CHD4: variants seen among roughly 807,000 people sequenced by gnomAD.
The protein encoded by CHD4 is ATP-dependent chromatin remodeler CHD4.
Under a neutral mutation model 235.5 loss-of-function variants are expected in CHD4, and 35 were observed. The observed-to-expected ratio is 0.15, with a 90% CI of 0.11 to 0.20. The LOEUF (loss-of-function observed/expected upper bound fraction) is 0.20, where lower values mean the gene tolerates loss of function less well. Ranked by LOEUF, CHD4 falls within the 10% of genes least tolerant of loss-of-function variation. The probability of loss-of-function intolerance (pLI) is 1.00; values close to 1 mark genes in which losing one functional copy is unlikely to be tolerated. For synonymous variants in CHD4, 900 were observed against 850.2 expected, an observed-to-expected ratio of 1.06 and a Z score of -1.02; for missense variants, 1,329 against 2,432.3, an observed-to-expected ratio of 0.55 and a Z score of 9.54.
intron 5 of CHD4, 37 bp from the exon 6 acceptor site, chr12:6,601,567 TAAGAATAAAAA>T: frequency 6.2e-7 from 1 of 1,613,044 alleles, no homozygotes; most frequent in Non-Finnish European, 8.5e-7. Context: ...GGGAAAGGTT[TAAGAATAAAAA>T]AAGAAAGAGA....
In CHD4 at chr12:6,598,109, G is replaced by GA; in HGVS notation, c.1687-11dup. The GA allele has an allele frequency of 6.2e-7, 1 of 1,613,998 alleles. No homozygotes were observed. Among genetic ancestry groups the GA allele is most frequent in the East Asian group, 2.2e-5 (1 of 44,876 alleles). ...GACAGTGCAGCTCCAGCTTTGAGCG[G>GA]AAAGAGAAAATCAGCCACCAAGAAG... On this transcript the variant is annotated splice_polypyrimidine_tract_variant and intron_variant, in intron 11 of 39. Transcript: ENST00000544040.
In CHD4 at chr12:6,600,104, A is replaced by T; in HGVS notation, c.1243-92T>A. 9 of 1,578,568 alleles carry T rather than the reference A, an allele frequency of 5.7e-6. No homozygotes were observed. The South Asian group carries it at 1.1e-4, about 19-fold the overall frequency. ...CCATCATTCCTTTGAATGCTTCCCA[A>T]AGCTCACAACCCGCAGCACCAGCAT... On this transcript the variant is annotated intron_variant, in intron 9 of 39. Coordinates refer to ENST00000544040, the MANE Select transcript of CHD4 (RefSeq NM_001273.5).
intron 14 of CHD4, 72 bp downstream of exon 14, chr12:6,595,262 T>C: frequency 1.6e-6 from 2 of 1,261,386 alleles, no homozygotes; most frequent in Non-Finnish European, 2.3e-6. Flanking sequence ...TACTTAAGAG[T>C]ACCATCATTA....
At chr12:6,588,009 G>T (rs1948328362) in intron 23 of CHD4, 60 bp from the exon 24 acceptor site, 4 of 1,500,040 alleles carry the variant, frequency 2.7e-6, no homozygotes, top group Non-Finnish European at 3.7e-6. Flanking sequence ...CTCTTATCCT[G>T]ACTTCCACAT....
At chr12:6,590,492 AAAATT>A (rs1948375742) in intron 22 of CHD4, among the ~76,000 whole-genome samples, 1 of 152,212 alleles carries the variant, frequency 6.6e-6, no homozygotes, top group South Asian at 2.1e-4. Context: ...TTCTAAGTCT[AAAATT>A]AAAATAAAAA....
chr12:6,601,157 C>T, intron 6 of CHD4, 104 bp from the exon 7 acceptor site: 2 of 1,524,126 alleles, frequency 1.3e-6, no homozygotes, highest in Non-Finnish European at 1.8e-6. Context: ...TCCCAAATTT[C>T]CCTCCAAAAT....
At chr12:6,590,509 T>G (rs1948376069) in intron 22 of CHD4, among the ~76,000 whole-genome samples, 1 of 146,040 alleles carries the variant, frequency 6.8e-6, no homozygotes, top group South Asian at 2.1e-4. Flanking sequence ...AAATAAAAAG[T>G]TTTTTTTTTT....
chr12:6,584,767 A>T (rs889657876), intron 25 of CHD4: 3 of 152,260 alleles, frequency 2.0e-5, no homozygotes, highest in Non-Finnish European at 4.4e-5. Context: ...CAGCAGCTAT[A>T]GTCACTAATC....
chr12:6,577,775 A>G lies in CHD4; in HGVS notation c.5361+10T>C, dbSNP rs1336262395. On this transcript the variant is annotated intron_variant, in intron 37 of 39. Coordinates refer to ENST00000544040, the MANE Select transcript of CHD4 (RefSeq NM_001273.5). ...TCACTTAAGCAATATATTCCTCCCCAACCGCTCACCTTAAACCTTCGAGCT... is the reference window on the plus strand; with the variant it reads ...TCACTTAAGCAATATATTCCTCCCCGACCGCTCACCTTAAACCTTCGAGCT... 3.1e-6 allele frequency: 5 copies of G among 1,613,962 alleles called. No individual in the cohort carries two copies. The highest frequency in any genetic ancestry group is 4.2e-6 in the Non-Finnish European group (5 of 1,180,002).
In CHD4 at chr12:6,581,391, G is replaced by A. The variant is rs370021329; in HGVS notation, c.4682-3C>T. 2 of 1,612,130 alleles carry A rather than the reference G, an allele frequency of 1.2e-6. No individual in the cohort carries two copies. Among genetic ancestry groups the A allele is most frequent in the Non-Finnish European group, 1.7e-6 (2 of 1,178,538 alleles). On this transcript the variant is annotated splice_region_variant and splice_polypyrimidine_tract_variant and intron_variant, in intron 31 of 39. Coordinates refer to ENST00000544040, the MANE Select transcript of CHD4 (RefSeq NM_001273.5). The stretch of plus-strand genomic sequence containing the variant: ...TTCCTCTATTTTTATCCCATCTTCT[G>A]CAGAACAATAAAAGACAATCAATTA...
chr12:6,596,404 C>A (rs1283807362), intron 12 of CHD4, among the ~76,000 whole-genome samples: 1 of 151,064 alleles, frequency 6.6e-6, no homozygotes, highest in Non-Finnish European at 1.5e-5. Context: ...AATCCCAGCA[C>A]TTTGGGAAGC....
chr12:6,584,546 C>T (rs1415428047), intron 25 of CHD4: 3 of 152,084 alleles, frequency 2.0e-5, no homozygotes, highest in Non-Finnish European at 2.9e-5. Flanking sequence ...CAACCACACT[C>T]GGCTAATGTT....
At chr12:6,590,254 G>A (rs977161660) in intron 22 of CHD4, 1 of 152,164 alleles carries the variant, frequency 6.6e-6, no homozygotes, top group African/African-American at 2.4e-5. Context: ...ACAGATAGCA[G>A]GAAGCACAAT....
At chr12:6,606,226 A>G (rs1277421952) in intron 2 of CHD4, 48 bp downstream of exon 2, 3 of 1,267,792 alleles carry the variant, frequency 2.4e-6, no homozygotes, top group Non-Finnish European at 3.4e-6. Context: ...CACTCGGGAG[A>G]GCCCCAGATG....
In CHD4 at chr12:6,570,709, C is replaced by A; in HGVS notation, c.5722-16G>T. 1 of 1,614,006 alleles carries A rather than the reference C, an allele frequency of 6.2e-7. No individual in the cohort carries two copies. Among genetic ancestry groups the A allele is most frequent in the South Asian group, 1.1e-5 (1 of 91,072 alleles). On this transcript the variant is annotated splice_polypyrimidine_tract_variant and intron_variant, in intron 39 of 39. Coordinates refer to ENST00000544040, the MANE Select transcript of CHD4 (RefSeq NM_001273.5). Reference sequence around the variant, plus strand: ...GCTGGGCTACCTAGAGAAGGAGACCCGAGGAGTCAGAATTCCAGATGATAG... The same window carrying A: ...GCTGGGCTACCTAGAGAAGGAGACCAGAGGAGTCAGAATTCCAGATGATAG...
intron 32 of CHD4, 32 bp from the exon 33 acceptor site, chr12:6,581,205 G>T (rs745862017): frequency 2.0e-5 from 33 of 1,611,252 alleles, no homozygotes; most frequent in Non-Finnish European, 2.6e-5. Context: ...AAACAAAACA[G>T]ATGAAGCAGA....
Position 6,606,464 on chromosome 12 carries a change from G to C in CHD4, c.-78-13C>G, listed in dbSNP as rs191458955. 9.7e-3 allele frequency: 6,564 copies of C among 676,884 alleles called. 46 individuals are homozygous for C. The highest frequency in any genetic ancestry group is 0.013 in the Non-Finnish European group (5,231 of 405,274). 41.9% of individuals were successfully genotyped at this position (676,884 alleles called of 1,614,324 possible). On this transcript the variant is annotated splice_polypyrimidine_tract_variant and intron_variant, in intron 1 of 39. Coordinates refer to ENST00000544040, the MANE Select transcript of CHD4 (RefSeq NM_001273.5). ...CTGGCCCGAGTCACTGTGCGGGGGA[G>C]GGGGGAGAAACACAGAACAGTCAGT...
chr12:6,573,539 C>A (rs1318431075), intron 37 of CHD4: 7 of 257,910 alleles, frequency 2.7e-5, no homozygotes, highest in Non-Finnish European at 1.4e-5. Flanking sequence ...AATAGAATAT[C>A]AAAAATTTTT....
chr12:6,580,972 AC>A, intron 33 of CHD4, 71 bp downstream of exon 33: 1 of 1,561,882 alleles, frequency 6.4e-7, no homozygotes, highest in Non-Finnish European at 8.7e-7. Flanking sequence ...GCGCCACAGC[AC>A]TCCAGCCTGG....
Sources: gnomAD v4.1 joint callset for allele counts (sites outside exome capture counted in the v4.1 genomes callset) on GRCh38, gnomAD v4.1.1 for gene constraint, MANE v1.5 for transcripts, NCBI Gene and HGNC (gene_info 2026-07-23, HGNC 2026-07-21) for gene names.